PAXIP1: variants seen among roughly 807,000 people sequenced by gnomAD.
PAXIP1 encodes the protein PAX interacting protein 1, also known as PAX-interacting protein 1.
PAXIP1 carries 19 observed loss-of-function variants against 140.6 expected under a neutral mutation model. That is an observed-to-expected ratio of 0.14 (90% CI 0.09 to 0.20). PAXIP1 has a LOEUF of 0.20. Among genes scored for constraint, PAXIP1 ranks in the 10% least tolerant of loss-of-function variants. PAXIP1 has a pLI of 1.00. For missense variants in PAXIP1, 920 were observed against 1,208.6 expected, an observed-to-expected ratio of 0.76 and a Z score of 3.54; for synonymous variants, 442 against 444.6, an observed-to-expected ratio of 0.99 and a Z score of 0.07.
intron 5 of PAXIP1, among the ~76,000 whole-genome samples, chr7:154,982,442 C>T (rs1809887126): frequency 6.6e-6 from 1 of 152,196 alleles, no homozygotes; most frequent in Admixed American, 6.5e-5. Context: ...ACTCCACCTC[C>T]TGTGTTCAAG....
chr7:154,996,321 A>C (rs1349236334), intron 2 of PAXIP1, among the ~76,000 whole-genome samples: 1 of 152,244 alleles, frequency 6.6e-6, no homozygotes, highest in South Asian at 2.1e-4. Flanking sequence ...AATTACAAGC[A>C]GGCTGGAATG....
In PAXIP1 at chr7:154,954,503, A is replaced by G. The variant is rs1808423724; in HGVS notation, c.2653-80T>C. 1 of 948,644 alleles carries G rather than the reference A, an allele frequency of 1.1e-6. No individual in the cohort carries two copies. The highest frequency in any genetic ancestry group is 1.4e-6 in the Non-Finnish European group (1 of 703,526). The allele number at this position is 948,644 out of a possible 1,614,324, so 58.8% of individuals were successfully genotyped here. On this transcript the variant is annotated intron_variant, in intron 15 of 20. Transcript: ENST00000404141. The surrounding 1 kb of genome is among the most constrained non-coding windows in gnomAD (Gnocchi z 5.1). ...CACTGACACAGAGTAACACAGAGGA[A>G]TATCTACCTAAAGACAAGGTTTATG...
Position 154,973,209 on chromosome 7 carries a change from C to A in PAXIP1, c.1074+2487G>T, listed in dbSNP as rs1230783072. Among the ~76,000 whole-genome samples, 2 of 152,216 alleles carry A rather than the reference C, an allele frequency of 1.3e-5. No homozygotes were observed. The highest frequency in any genetic ancestry group is 4.8e-5 in the African/African-American group (2 of 41,454). On this transcript the variant is annotated intron_variant, in intron 6 of 20. Coordinates refer to ENST00000404141, the MANE Select transcript of PAXIP1 (RefSeq NM_007349.4). The surrounding 1 kb of genome is among the most constrained non-coding windows in gnomAD (Gnocchi z 4.0). ...GGCCTTCTCCCCATTTCCTCAGCCA[C>A]ACATTCCCAACCACCCCCAAGACCC... is the stretch of plus-strand genomic sequence containing the variant.
chr7:154,947,477 A>G (rs1021337491), intron 17 of PAXIP1: 1 of 164,200 alleles, frequency 6.1e-6, no homozygotes, highest in Non-Finnish European at 1.3e-5. Flanking sequence ...ACTGAATTAT[A>G]TCTATGCACA....
intron 2 of PAXIP1, among the ~76,000 whole-genome samples, chr7:154,994,941 A>G (rs1810503685): frequency 6.6e-6 from 1 of 152,150 alleles, no homozygotes; most frequent in Non-Finnish European, 1.5e-5. Flanking sequence ...ATAGTCCTAG[A>G]AAAATTCCAG....
chr7:154,957,098 A>G, intron 14 of PAXIP1, 126 bp downstream of exon 14: 1 of 555,588 alleles, frequency 1.8e-6, no homozygotes, highest in African/African-American at 1.9e-5. Flanking sequence ...GTTGTAAAGC[A>G]AAAAGCAAAC....
chr7:154,971,369 A>C (rs1375202405), intron 6 of PAXIP1, among the ~76,000 whole-genome samples: 1 of 152,252 alleles, frequency 6.6e-6, no homozygotes, highest in African/African-American at 2.4e-5. Context: ...GGAGAAGAAC[A>C]GATGGAGATT....
chr7:154,963,522 C>T lies in PAXIP1; in HGVS notation c.1989+149G>A. 1 of 608,764 alleles carries T rather than the reference C, an allele frequency of 1.6e-6. No homozygotes were observed. The allele number at this position is 608,764 out of a possible 1,614,324, so 37.7% of individuals were successfully genotyped here. On this transcript the variant is annotated intron_variant, in intron 9 of 20. Coordinates refer to ENST00000404141, the MANE Select transcript of PAXIP1 (RefSeq NM_007349.4). This position sits in a 1 kb window ranked among gnomAD's most constrained non-coding sequence, Gnocchi z 4.1. Reference sequence around the variant, plus strand: ...GTGCCCACAAAAGATATCAATCCCACCAAAGATTCGATCACAGGAAGAAGG... The same window carrying T: ...GTGCCCACAAAAGATATCAATCCCATCAAAGATTCGATCACAGGAAGAAGG...
At chr7:154,997,742 T>C (rs185783737) in intron 2 of PAXIP1, among the ~76,000 whole-genome samples, 98 of 152,330 alleles carry the variant, frequency 6.4e-4, no homozygotes, top group African/African-American at 2.0e-3. Flanking sequence ...AAATTACCCA[T>C]AGGTCAAGTT....
chr7:154,989,381 C>T (rs1413166840), intron 4 of PAXIP1, among the ~76,000 whole-genome samples: 1 of 152,154 alleles, frequency 6.6e-6, no homozygotes, highest in African/African-American at 2.4e-5. Flanking sequence ...AATTTCTTTC[C>T]ATCTTACCTA....
intron 8 of PAXIP1, chr7:154,965,653 T>C (rs1808978130): frequency 6.6e-6 from 1 of 152,226 alleles, no homozygotes; most frequent in African/African-American, 2.4e-5. Flanking sequence ...AGTACATATA[T>C]TTTCTCTTCC....
intron 12 of PAXIP1, 55 bp from the exon 13 acceptor site, chr7:154,959,988 G>T (rs1002468317): frequency 2.3e-5 from 27 of 1,197,548 alleles, no homozygotes; most frequent in East Asian, 7.0e-5. Context: ...AAATAAAAAG[G>T]CCTTTTTATA....
chr7:154,975,886 T>C lies in PAXIP1; in HGVS notation c.884A>G (p.Asn295Ser), dbSNP rs764458377. The stretch of plus-strand genomic sequence containing the variant: ...AATGTTACCTGGGACGGGTGGGACA[T>C]TGGCACACAAGTTAATCAACCCAGG... ...KEPGLINLCA[N>S]VPPVPGNILP... The change falls in exon 6 of 21, where the codon AAT becomes AGT. Residue 295 changes from asparagine (N) to serine (S), a missense_variant. Around this residue, in one of 5 missense-constraint regions of PAXIP1, gnomAD observed 419 missense variants for 514.7 expected, o/e 0.81. Coordinates refer to ENST00000404141, the MANE Select transcript of PAXIP1 (RefSeq NM_007349.4). 115 of 1,613,880 alleles carry C rather than the reference T, an allele frequency of 7.1e-5. No homozygotes were observed. The highest frequency in any genetic ancestry group is 1.6e-4 in the Middle Eastern group (1 of 6,084).
Position 154,990,437 on chromosome 7 carries a change from G to A in PAXIP1, c.324+569C>T, listed in dbSNP as rs545325495. Among the ~76,000 whole-genome samples the A allele has an allele frequency of 7.2e-5, 11 of 152,320 alleles. No individual in the cohort carries two copies. In the South Asian group the frequency reaches 1.7e-3, roughly 23 times the overall value. On this transcript the variant is annotated intron_variant, in intron 4 of 20. Transcript: ENST00000404141. Reference sequence around the variant, plus strand: ...TGCTCCCCTTTCCTAGGAAACTGCTGTACTCCCATTCCTGCCGGCAGGAAG... The same window carrying A: ...TGCTCCCCTTTCCTAGGAAACTGCTATACTCCCATTCCTGCCGGCAGGAAG...
chr7:154,981,002 T>TC (rs1455473962), intron 5 of PAXIP1, among the ~76,000 whole-genome samples: 1 of 152,060 alleles, frequency 6.6e-6, no homozygotes, highest in African/African-American at 2.4e-5. Context: ...GAGCCTGTAA[T>TC]CCCAGCTACT....
chr7:154,955,241 C>T (rs1043094578), intron 15 of PAXIP1, among the ~76,000 whole-genome samples: 12 of 152,154 alleles, frequency 7.9e-5, no homozygotes, highest in African/African-American at 2.9e-4. Context: ...ATGAATACGA[C>T]ACAGAAGGAG....
chr7:154,959,765 A>C, intron 13 of PAXIP1, 125 bp downstream of exon 13: 1 of 686,208 alleles, frequency 1.5e-6, no homozygotes, highest in Non-Finnish European at 2.5e-6. Context: ...GATTTACTGG[A>C]GTAGATAATT....
rs188320457 is a variant in PAXIP1 at position 154,992,145 on chromosome 7, C to A, written c.261-1076G>T. Among the ~76,000 whole-genome samples, 677 of 152,180 alleles carry A rather than the reference C, an allele frequency of 4.4e-3. 22 individuals are homozygous for A. The highest frequency in any genetic ancestry group is 0.038 in the Admixed American group (580 of 15,298). On this transcript the variant is annotated intron_variant, in intron 3 of 20. Transcript: ENST00000404141. ...ACTGTCTACCAGTGAGTCTCCCAGG[C>A]TCCCTTGTTTGTTTGTTTGTTTTTG... is the stretch of plus-strand genomic sequence containing the variant.
chr7:154,972,480 C>G (rs2150761891), intron 6 of PAXIP1, among the ~76,000 whole-genome samples: 1 of 152,298 alleles, frequency 6.6e-6, no homozygotes, highest in South Asian at 2.1e-4. Flanking sequence ...CAGAGTGAGA[C>G]TCTGTCTCAA....
Sources: gnomAD v4.1 joint callset for allele counts (sites outside exome capture counted in the v4.1 genomes callset) on GRCh38, gnomAD v4.1.1 for gene constraint, gnomAD v4.1.1 regional missense constraint, Gnocchi (gnomAD v3.1) non-coding constraint, MANE v1.5 for transcripts, NCBI Gene and HGNC (gene_info 2026-07-23, HGNC 2026-07-21) for gene names.